SCUBE1: variants seen among roughly 807,000 people sequenced by gnomAD.
The protein encoded by SCUBE1 is signal peptide, CUB domain and EGF like domain containing 1, also known as signal peptide, CUB and EGF-like domain-containing protein 1.
In SCUBE1, 59 loss-of-function variants were observed where a neutral mutation model predicts 124.4. The ratio of observed to expected loss-of-function variants is 0.47; its 90% CI spans 0.38 to 0.59. SCUBE1 has a LOEUF of 0.59. SCUBE1 is among the 20% of genes least tolerant of loss of function. SCUBE1 has a pLI of 0.00. For missense variants in SCUBE1, 1,150 were observed against 1,371.2 expected (o/e 0.84, Z 2.55); for synonymous variants, 545 against 550.9 (o/e 0.99, Z 0.15).
At chr22:43,247,641 C>A (rs958327479) in intron 6 of SCUBE1, among the ~76,000 whole-genome samples, 27 of 152,348 alleles carry the variant, frequency 1.8e-4, no homozygotes, top group African/African-American at 6.3e-4. Context: ...GCAGTCACCA[C>A]CTGGCCCGCC....
At chr22:43,281,485 T>TCCTCCTGTCACCTCCC (rs1924867518) in intron 4 of SCUBE1, among the ~76,000 whole-genome samples, 2 of 70,370 alleles carry the variant, frequency 2.8e-5, no homozygotes, top group Admixed American at 1.3e-4. Flanking sequence ...CACCTCCCTC[T>TCCTCCTGTCACCTCCC]TTGGCCACCC....
At chr22:43,260,889 G>T (rs76331572) in intron 5 of SCUBE1, among the ~76,000 whole-genome samples, 1 of 152,160 alleles carries the variant, frequency 6.6e-6, no homozygotes, top group Non-Finnish European at 1.5e-5. Flanking sequence ...CCAGGCTGGC[G>T]CTCAGAAGAT....
chr22:43,269,338 A>G (rs533795573), intron 4 of SCUBE1, among the ~76,000 whole-genome samples: 1 of 152,234 alleles, frequency 6.6e-6, no homozygotes, highest in East Asian at 1.9e-4. Flanking sequence ...AAACGATGGC[A>G]TGGTCTGCCT....
At chr22:43,280,377 C>T (rs1002394661) in intron 4 of SCUBE1, among the ~76,000 whole-genome samples, 5 of 149,656 alleles carry the variant, frequency 3.3e-5, no homozygotes, top group Admixed American at 6.6e-5. Context: ...AGTCTCTCAC[C>T]GTCCCCTCAC....
At chr22:43,319,313 T>C (rs1182292650) in intron 3 of SCUBE1, among the ~76,000 whole-genome samples, 1 of 152,042 alleles carries the variant, frequency 6.6e-6, no homozygotes, top group East Asian at 1.9e-4. Context: ...ACGCCTGTTA[T>C]CCCAGCACTT....
chr22:43,266,373 C>A (rs1382290148), intron 4 of SCUBE1, among the ~76,000 whole-genome samples: 1 of 152,128 alleles, frequency 6.6e-6, no homozygotes, highest in African/African-American at 2.4e-5. Flanking sequence ...TACTGCCTGG[C>A]CTGGGGGCTG....
rs543164490 is a variant in SCUBE1 at position 43,241,188 on chromosome 22, C to T, written c.728-2234G>A. ...CTCTGGACGAGGCAGCTTGAGTTCA[C>T]GAGTTGCCTCAGTCTATGGCTGGTA... On this transcript the variant is annotated intron_variant, in intron 6 of 21. Coordinates refer to ENST00000360835, the MANE Select transcript of SCUBE1 (RefSeq NM_173050.5). 3.9e-5 allele frequency among the ~76,000 whole-genome samples: 6 copies of T among 152,290 alleles called. No homozygotes were observed. The South Asian group carries it at 1.0e-3, about 26-fold the overall frequency.
chr22:43,258,869 T>A lies in SCUBE1; in HGVS notation c.611-534A>T, dbSNP rs531571684. Among the ~76,000 whole-genome samples the A allele has an allele frequency of 6.6e-6, 1 of 152,238 alleles. No individual in the cohort carries two copies. Among genetic ancestry groups the A allele is most frequent in the South Asian group, 2.1e-4 (1 of 4,818 alleles). On this transcript the variant is annotated intron_variant, in intron 5 of 21. Coordinates refer to ENST00000360835, the MANE Select transcript of SCUBE1 (RefSeq NM_173050.5). The surrounding 1 kb of genome is among the most constrained non-coding windows in gnomAD (Gnocchi z 5.0). ...CCCCCTCAGAGTCCCAGGGGCCACCTCAAACTCTATCCCCTCAAAGCCCTA... is the reference window on the plus strand; with the variant it reads ...CCCCCTCAGAGTCCCAGGGGCCACCACAAACTCTATCCCCTCAAAGCCCTA...
chr22:43,329,621 C>A (rs564351636), intron 2 of SCUBE1, among the ~76,000 whole-genome samples: 6 of 152,226 alleles, frequency 3.9e-5, no homozygotes, highest in African/African-American at 1.4e-4. Context: ...GAGTGATCAA[C>A]GCCAGCAGCT....
chr22:43,314,045 C>T (rs1043756293), intron 3 of SCUBE1, among the ~76,000 whole-genome samples: 2 of 152,100 alleles, frequency 1.3e-5, no homozygotes, highest in South Asian at 2.1e-4. Context: ...GAGGTGCGAA[C>T]GGGCCTAACT....
chr22:43,214,293 G>A, intron 15 of SCUBE1, 42 bp from the exon 16 acceptor site: 1 of 1,579,864 alleles, frequency 6.3e-7, no homozygotes, highest in Non-Finnish European at 8.6e-7. Context: ...GCAGAGGTGG[G>A]GAGGCCAGGG....
At chr22:43,337,588 G>T (rs1020028054) in intron 2 of SCUBE1, among the ~76,000 whole-genome samples, 26 of 152,224 alleles carry the variant, frequency 1.7e-4, no homozygotes, top group Admixed American at 1.3e-4. Context: ...CCTCCTTCCA[G>T]AGGTCTGTGG....
In SCUBE1 at chr22:43,223,198, G is replaced by A; in HGVS notation, c.1226C>T (p.Ser409Phe). 6.4e-7 allele frequency: 1 copy of A among 1,572,108 alleles called. No homozygotes were observed. The highest frequency in any genetic ancestry group is 1.2e-5 in the South Asian group (1 of 83,854). ...KDCVETGKCL[S>F]RAKTSPRAQL... ...GGCCCGGGGGGAGGTCTTGGCGCGAGAAAGACACTTGCCTGTCTCTATGAA... is the reference window on the plus strand; with the variant it reads ...GGCCCGGGGGGAGGTCTTGGCGCGAAAAAGACACTTGCCTGTCTCTATGAA... Residue 409 changes from serine (S) to phenylalanine (F), a missense_variant, in exon 11 of 22, where the codon TCT becomes TTT. Ser to Phe is a radical substitution (Grantham distance 155). Around this residue, in one of 3 missense-constraint regions of SCUBE1, gnomAD observed 757 missense variants for 840.9 expected, o/e 0.90. Coordinates refer to ENST00000360835, the MANE Select transcript of SCUBE1 (RefSeq NM_173050.5).
intron 1 of SCUBE1, 124 bp from the exon 2 acceptor site, chr22:43,339,359 A>G: frequency 1.1e-6 from 1 of 893,140 alleles, no homozygotes; most frequent in Non-Finnish European, 1.7e-6. Flanking sequence ...CATTGGCAAT[A>G]ACAGCTGTCA....
In SCUBE1 at chr22:43,210,879, C is replaced by G; in HGVS notation, c.2383+43G>C. On this transcript the variant is annotated intron_variant, in intron 18 of 21. Transcript: ENST00000360835. The surrounding 1 kb of genome is among the most constrained non-coding windows in gnomAD (Gnocchi z 4.5). ...CCCGCCCCCACAACCTGCCCAGCCC[C>G]TCCCGTGTTCCCAGCTTCCCACGGC... 1 of 1,611,090 alleles carries G rather than the reference C, an allele frequency of 6.2e-7. No individual in the cohort carries two copies. Among genetic ancestry groups the G allele is most frequent in the Non-Finnish European group, 8.5e-7 (1 of 1,177,968 alleles).
chr22:43,214,047 G>GGGGCCCCCCCCCCCCCCCCC, intron 16 of SCUBE1, 43 bp downstream of exon 16: 2 of 143,440 alleles, frequency 1.4e-5, no homozygotes, highest in East Asian at 2.8e-4. Flanking sequence ...AGGAGCCCCC[G>GGGGCCCCCCCCCCCCCCCCC]CCCACCCCCC....
At chr22:43,240,037 A>G (rs764139455) in intron 6 of SCUBE1, among the ~76,000 whole-genome samples, 10 of 152,146 alleles carry the variant, frequency 6.6e-5, no homozygotes, top group Non-Finnish European at 8.8e-5. Context: ...AATGAAATGC[A>G]TGGTGCCTTT....
At chr22:43,240,326 G>C (rs1177625574) in intron 6 of SCUBE1, among the ~76,000 whole-genome samples, 1 of 152,180 alleles carries the variant, frequency 6.6e-6, no homozygotes, top group Non-Finnish European at 1.5e-5. Context: ...CCAGTCTTTT[G>C]CCCTCCCATC....
chr22:43,222,616 A>G (rs752084368), intron 12 of SCUBE1, 22 bp downstream of exon 12: 5 of 1,467,834 alleles, frequency 3.4e-6, no homozygotes, highest in Non-Finnish European at 9.0e-7. Flanking sequence ...GGCATGCAGC[A>G]TGGACAGGCC....
Sources: allele counts gnomAD v4.1 joint callset (sites outside exome capture counted in the v4.1 genomes callset), GRCh38; gene constraint gnomAD v4.1.1; regional missense constraint gnomAD v4.1.1; non-coding constraint Gnocchi (gnomAD v3.1); transcripts MANE v1.5; gene names NCBI Gene and HGNC (gene_info 2026-07-23, HGNC 2026-07-21).